Variants in DDX1 observed in about 807,000 individuals in gnomAD.
The protein encoded by DDX1 is DEAD-box helicase 1, also known as ATP-dependent RNA helicase DDX1.
Under a neutral mutation model 108.7 loss-of-function variants are expected in DDX1, and 28 were observed. The observed-to-expected ratio is 0.26, with a 90% CI of 0.19 to 0.35. DDX1 has a LOEUF of 0.35. Ranked by LOEUF, DDX1 falls within the 10% of genes least tolerant of loss-of-function variation. DDX1 has a pLI of 1.00. For missense variants in DDX1, 710 were observed against 884.5 expected (o/e 0.80, Z 2.50); for synonymous variants, 295 against 288.9 (o/e 1.02, Z -0.21).
chr2:15,621,916 A>G (rs370447469), intron 18 of DDX1, among the ~76,000 whole-genome samples: 72 of 152,344 alleles, frequency 4.7e-4, no homozygotes, highest in African/African-American at 1.7e-3. Flanking sequence ...GGCTTCACAA[A>G]GTGCTGGGAT....
At chr2:15,599,595 G>A (rs1227412775) in intron 5 of DDX1, 74 bp from the exon 6 acceptor site, 4 of 1,164,178 alleles carry the variant, frequency 3.4e-6, no homozygotes, top group Non-Finnish European at 5.0e-6. Context: ...TTACAGTCGT[G>A]AGTCACCGCA....
chr2:15,601,528 G>T (rs1413185580), intron 6 of DDX1, among the ~76,000 whole-genome samples: 2 of 152,146 alleles, frequency 1.3e-5, no homozygotes, highest in Non-Finnish European at 2.9e-5. Context: ...ATGTTTACTG[G>T]TTTATTTTTA....
At position 15,623,348 on chromosome 2, in the gene DDX1, GCAGT is replaced by G. The variant is rs763406001; in HGVS notation, c.1448-82_1448-79del. The G allele has an allele frequency of 5.7e-5, 70 of 1,228,174 alleles. No homozygotes were observed. In the South Asian group the frequency reaches 7.8e-4, roughly 14 times the overall value. 76.1% of individuals were successfully genotyped at this position (1,228,174 alleles called of 1,614,324 possible). ...AAGTATTCTTTTTTAGGAAAATTAA[GCAGT>G]CAGTCTGTGACTATAATTATGTGTA... On this transcript the variant is annotated intron_variant, in intron 18 of 25. Coordinates refer to ENST00000233084, the MANE Select transcript of DDX1 (RefSeq NM_004939.3).
At chr2:15,628,580 A>G (rs986000643) in intron 21 of DDX1, 58 bp from the exon 22 acceptor site, 9 of 1,596,274 alleles carry the variant, frequency 5.6e-6, no homozygotes, top group Non-Finnish European at 7.7e-6. Context: ...AAGCCTTCTA[A>G]TATGTTTGAA....
Position 15,596,933 on chromosome 2 carries a change from T to TA in DDX1, c.162+177dup, listed in dbSNP as rs1394835083. Among the ~76,000 whole-genome samples, 10 of 152,314 alleles carry TA rather than the reference T, an allele frequency of 6.6e-5. No individual in the cohort carries two copies. In the East Asian group the frequency reaches 1.5e-3, roughly 23 times the overall value. On this transcript the variant is annotated intron_variant, in intron 4 of 25. Coordinates refer to ENST00000233084, the MANE Select transcript of DDX1 (RefSeq NM_004939.3). The stretch of plus-strand genomic sequence containing the variant: ...TTGTTGCCAGCTAATTATGAAGAGC[T>TA]AAAAAAAGTATGACCTTAAGAACAT...
chr2:15,618,765 C>T (rs571175446), intron 16 of DDX1, among the ~76,000 whole-genome samples: 6 of 152,360 alleles, frequency 3.9e-5, no homozygotes, highest in Admixed American at 6.5e-5. Flanking sequence ...AGCACTGGGC[C>T]GTCCTCAGCC....
chr2:15,616,088 A>T (rs986079680), intron 14 of DDX1, among the ~76,000 whole-genome samples: 12 of 139,812 alleles, frequency 8.6e-5, no homozygotes, highest in Middle Eastern at 7.6e-3. Flanking sequence ...GTGTGTGTGT[A>T]TTTTAGTAGA....
intron 13 of DDX1, among the ~76,000 whole-genome samples, chr2:15,612,466 G>A (rs1394853691): frequency 6.6e-6 from 1 of 151,560 alleles, no homozygotes; most frequent in Non-Finnish European, 1.5e-5. Flanking sequence ...GGGAAGAGGT[G>A]CTCCTCACTT....
chr2:15,617,496 TTATA>T (rs1365961407), intron 15 of DDX1, among the ~76,000 whole-genome samples, 154 bp downstream of exon 15: 1 of 152,154 alleles, frequency 6.6e-6, no homozygotes, highest in African/African-American at 2.4e-5. Context: ...TACTTTTTAT[TTATA>T]TATTATTTTA....
intron 19 of DDX1, 124 bp downstream of exon 19, chr2:15,623,706 A>T: frequency 1.3e-6 from 1 of 748,818 alleles, no homozygotes; most frequent in Non-Finnish European, 2.2e-6. Context: ...TATTTTAAGT[A>T]TCTATGCTTA....
At chr2:15,611,254 A>C (rs1175715024) in intron 13 of DDX1, among the ~76,000 whole-genome samples, 1 of 151,696 alleles carries the variant, frequency 6.6e-6, no homozygotes, top group East Asian at 1.9e-4. Flanking sequence ...CTTAGTACAG[A>C]ACAAAATGAA....
intron 23 of DDX1, 118 bp downstream of exon 23, chr2:15,628,957 G>A (rs972379332): frequency 1.1e-6 from 1 of 929,902 alleles, no homozygotes; most frequent in Non-Finnish European, 1.7e-6. Context: ...GAATACAAAT[G>A]AACTTTTTAA....
intron 13 of DDX1, among the ~76,000 whole-genome samples, chr2:15,611,571 CCG>C (rs1467809713): frequency 7.4e-6 from 1 of 134,524 alleles, no homozygotes. Context: ...GGCTGACCCC[CCG>C]ACCTCCCTCC....
At chr2:15,606,073 C>T in intron 11 of DDX1, 47 bp downstream of exon 11, 1 of 1,555,878 alleles carries the variant, frequency 6.4e-7, no homozygotes, top group Non-Finnish European at 8.8e-7. Context: ...TTGTAAGCTG[C>T]TTACTCTTCA....
At chr2:15,598,097 CTTTTG>C (rs1447225457) in intron 5 of DDX1, among the ~76,000 whole-genome samples, 2 of 152,090 alleles carry the variant, frequency 1.3e-5, no homozygotes, top group Admixed American at 6.5e-5. Flanking sequence ...CTTAATTAAT[CTTTTG>C]TTTTGTTATA....
At chr2:15,626,462 G>A (rs1361445229) in intron 19 of DDX1, among the ~76,000 whole-genome samples, 1 of 152,090 alleles carries the variant, frequency 6.6e-6, no homozygotes, top group Non-Finnish European at 1.5e-5. Flanking sequence ...TTACATCCCA[G>A]TGGTTACTCT....
At position 15,592,719 on chromosome 2, in the gene DDX1, T is replaced by C. The variant is rs144755079; in HGVS notation, c.16+770T>C. 3.3e-3 allele frequency among the ~76,000 whole-genome samples: 495 copies of C among 152,288 alleles called. 2 individuals carry two copies. Among genetic ancestry groups the C allele is most frequent in the Non-Finnish European group, 5.6e-3 (381 of 68,026 alleles). On this transcript the variant is annotated intron_variant, in intron 1 of 25. Coordinates refer to ENST00000233084, the MANE Select transcript of DDX1 (RefSeq NM_004939.3). ...AAGCTGTAATCAGCCTTAAATGCGCTAAACGTGATACATTTATGTAGCACT... is the reference window on the plus strand; with the variant it reads ...AAGCTGTAATCAGCCTTAAATGCGCCAAACGTGATACATTTATGTAGCACT...
At chr2:15,627,281 C>T in intron 20 of DDX1, 136 bp downstream of exon 20, 3 of 517,152 alleles carry the variant, frequency 5.8e-6, no homozygotes, top group South Asian at 3.0e-5. Flanking sequence ...ACTAATGTGT[C>T]ATCATCATGA....
At chr2:15,620,684 G>A (rs1665988706) in intron 17 of DDX1, among the ~76,000 whole-genome samples, 1 of 152,044 alleles carries the variant, frequency 6.6e-6, no homozygotes, top group South Asian at 2.1e-4. Context: ...ATTTTTAGTA[G>A]TATTTTAGTA....
Sources: gnomAD v4.1 joint callset for allele counts (sites outside exome capture counted in the v4.1 genomes callset) on GRCh38, gnomAD v4.1.1 for gene constraint, MANE v1.5 for transcripts, NCBI Gene and HGNC (gene_info 2026-07-23, HGNC 2026-07-21) for gene names.